ATN1: variants seen among roughly 807,000 people sequenced by gnomAD.
The protein encoded by ATN1 is atrophin-1.
A neutral mutation model predicts 85.8 loss-of-function variants in ATN1; 19 were observed. The ratio of observed to expected loss-of-function variants is 0.22; its 90% confidence interval spans 0.15 to 0.32. ATN1 has a LOEUF of 0.32. Ranked by LOEUF, ATN1 falls within the 10% of genes least tolerant of loss-of-function variation. ATN1 has a pLI of 1.00. For synonymous variants in ATN1, 674 were observed against 657.0 expected, an observed-to-expected ratio of 1.03 and a Z score of -0.39; for missense variants, 1,453 against 1,564.5, an observed-to-expected ratio of 0.93 and a Z score of 1.20.
In ATN1 at chr12:6,928,324, C is replaced by G. The variant is rs1246206787; in HGVS notation, c.-223C>G. On this transcript the variant is annotated 5_prime_UTR_variant, in exon 1 of 10. Transcript: ENST00000396684. Reference sequence around the variant, plus strand: ...CGGGGGAGCTGCCGCCGCCGCCCCCCAGAGGCGCCGGAGCCCGGAATCCCG... The same window carrying G: ...CGGGGGAGCTGCCGCCGCCGCCCCCGAGAGGCGCCGGAGCCCGGAATCCCG... 2 of 150,594 alleles carry G rather than the reference C, an allele frequency of 1.3e-5. No homozygotes were observed. Among genetic ancestry groups the G allele is most frequent in the African/African-American group, 4.9e-5 (2 of 41,008 alleles). The allele number at this position is 150,594 out of a possible 1,614,324, so 9.3% of individuals were successfully genotyped here.
chr12:6,934,337 A>G lies in ATN1; in HGVS notation c.165+24A>G, dbSNP rs782630532. 1.5e-5 allele frequency: 24 copies of G among 1,571,070 alleles called. No individual in the cohort carries two copies. In the East Asian group the frequency reaches 5.2e-4, roughly 34 times the overall value. On this transcript the variant is annotated intron_variant, in intron 3 of 9. Coordinates refer to ENST00000396684, the MANE Select transcript of ATN1 (RefSeq NM_001940.4). This position sits in a 1 kb window ranked among gnomAD's most constrained non-coding sequence, Gnocchi z 4.5. The stretch of plus-strand genomic sequence containing the variant: ...AGGTATTCTGTCCTCAGGTCCTCCC[A>G]CAGGATGCCCAAGGCACTGGGGCTG...
In ATN1 at chr12:6,937,475, C is replaced by T; in HGVS notation, c.2208C>T (p.Thr736=). The part of the protein sequence containing the change: ...IKQEPAEEYE[T]PESPVPPARS... ...AGGAGCCGGCTGAGGAGTATGAGAC[C>T]CCCGAGAGCCCGGTGCCCCCAGCCC... Residue 736 remains threonine, a synonymous_variant, in exon 5 of 10, where the codon ACC becomes ACT. Transcript: ENST00000396684. This position sits in a 1 kb window ranked among gnomAD's most constrained non-coding sequence, Gnocchi z 6.0. 5 of 1,545,784 alleles carry T rather than the reference C, an allele frequency of 3.2e-6. No homozygotes were observed. Among genetic ancestry groups the T allele is most frequent in the Non-Finnish European group, 4.4e-6 (5 of 1,147,000 alleles).
In ATN1 at chr12:6,937,390, T is replaced by A. The variant is rs1555143961; in HGVS notation, c.2123T>A (p.Leu708Gln). The change falls in exon 5 of 10, where the codon CTG becomes CAG. Residue 708 changes from leucine (L) to glutamine (Q), a missense_variant. Coordinates refer to ENST00000396684, the MANE Select transcript of ATN1 (RefSeq NM_001940.4). This position sits in a 1 kb window ranked among gnomAD's most constrained non-coding sequence, Gnocchi z 6.0. ...GCGGGGCCCTCAGGCCTGCCATCGC[T>A]GCCACCACCACCTGCGGCCCCTGCC... is the stretch of plus-strand genomic sequence containing the variant. ...PPAGPSGLPSLPPPPAAPASG... is the reference protein window; with the variant it reads ...PPAGPSGLPSQPPPPAAPASG... 1.3e-6 allele frequency: 2 copies of A among 1,549,010 alleles called. No individual in the cohort carries two copies. The highest frequency in any genetic ancestry group is 2.4e-5 in the South Asian group (2 of 84,820).
chr12:6,931,991 G>A (rs1340161149), intron 1 of ATN1, among the ~76,000 whole-genome samples: 3 of 123,294 alleles, frequency 2.4e-5, no homozygotes, highest in Non-Finnish European at 4.7e-5. Flanking sequence ...GTGAGATCAC[G>A]CCACTGCACT....
Position 6,928,072 on chromosome 12 carries a change from G to A in ATN1, c.-475G>A, listed in dbSNP as rs1308422794. ...GCCGGGCGGGCCGCGGGGCCGGGCG[G>A]CGCGGCGGGGGCGGGCGGCGCGGCC... On this transcript the variant is annotated 5_prime_UTR_variant, in exon 1 of 10. Coordinates refer to ENST00000396684, the MANE Select transcript of ATN1 (RefSeq NM_001940.4). Among the ~76,000 whole-genome samples, 1 of 144,652 alleles carries A rather than the reference G, an allele frequency of 6.9e-6. No homozygotes were observed. Among genetic ancestry groups the A allele is most frequent in the Admixed American group, 6.8e-5 (1 of 14,656 alleles). The allele number at this position is 144,652 out of a possible 152,430, so 94.9% of individuals were successfully genotyped here. A position where few individuals can be genotyped will look rare whatever the true frequency, so the allele number is the denominator to read the frequency against.
chr12:6,924,752 C>T (rs781957230), upstream of ATN1, among the ~76,000 whole-genome samples: 1 of 149,702 alleles, frequency 6.7e-6, no homozygotes, highest in Admixed American at 6.6e-5. Flanking sequence ...TCCTGGCGAC[C>T]CTTTATGCCT....
At chr12:6,925,849 T>C (rs1379479994), upstream of ATN1, among the ~76,000 whole-genome samples, 1 of 152,240 alleles carries the variant, frequency 6.6e-6, no homozygotes, top group Admixed American at 6.5e-5. Flanking sequence ...CCAGCAAGAC[T>C]GGCCCCACAA....
At position 6,938,466 on chromosome 12, in the gene ATN1, C is replaced by T. The variant is rs1555144210; in HGVS notation, c.2518-15C>T. 1.3e-6 allele frequency: 2 copies of T among 1,592,238 alleles called. No homozygotes were observed. Among genetic ancestry groups the T allele is most frequent in the Non-Finnish European group, 1.7e-6 (2 of 1,164,674 alleles). Reference sequence around the variant, plus strand: ...TAACTGCCGCTTTGACTCCACTTTTCCCTGTATCCCACAGAAGTTGGCTCA... The same window carrying T: ...TAACTGCCGCTTTGACTCCACTTTTTCCTGTATCCCACAGAAGTTGGCTCA... On this transcript the variant is annotated splice_polypyrimidine_tract_variant and intron_variant, in intron 6 of 9. Coordinates refer to ENST00000396684, the MANE Select transcript of ATN1 (RefSeq NM_001940.4).
At chr12:6,928,903 T>G (rs1945430468) in intron 1 of ATN1, among the ~76,000 whole-genome samples, 2 of 150,352 alleles carry the variant, frequency 1.3e-5, no homozygotes, top group East Asian at 2.0e-4. Context: ...GGGAAAGGGG[T>G]GTGGTAGGTG....
At chr12:6,924,607 T>C (rs1945378126), upstream of ATN1, 1 of 152,418 alleles carries the variant, frequency 6.6e-6, no homozygotes, top group Admixed American at 6.5e-5. Context: ...TCTGTATGGG[T>C]AGGGCCCATT....
intron 1 of ATN1, among the ~76,000 whole-genome samples, chr12:6,930,766 A>G (rs1230682518): frequency 6.6e-6 from 1 of 152,042 alleles, no homozygotes; most frequent in Non-Finnish European, 1.5e-5. Context: ...GCGGCACGGC[A>G]CTCCAGCCTG....
chr12:6,933,214 C>A (rs1201352083), intron 1 of ATN1, among the ~76,000 whole-genome samples: 2 of 150,944 alleles, frequency 1.3e-5, no homozygotes, highest in East Asian at 3.9e-4. Flanking sequence ...AATGTCATTT[C>A]TTTTTTCTTT....
In ATN1 at chr12:6,936,123, C is replaced by T. The variant is rs782682486; in HGVS notation, c.856C>T (p.Pro286Ser). The change falls in exon 5 of 10, where the codon CCT becomes TCT. Residue 286 changes from proline to serine, a missense_variant. Pro to Ser is a moderately conservative substitution (Grantham distance 74). Transcript: ENST00000396684. ...PTTPVGGGNL[P>S]SAPPPANFPH... ...CACTCCAGTGGGTGGTGGGAACCTA[C>T]CTTCTGCTCCACCACCAGCCAACTT... The T allele has an allele frequency of 2.9e-5, 44 of 1,530,940 alleles. No individual in the cohort carries two copies. The South Asian group carries it at 5.4e-4, about 19-fold the overall frequency. The allele number at this position is 1,530,940 out of a possible 1,614,324, so 94.8% of individuals were successfully genotyped here.
At chr12:6,933,812 G>T in intron 1 of ATN1, 28 bp from the exon 2 acceptor site, 1 of 655,524 alleles carries the variant, frequency 1.5e-6, no homozygotes, top group Non-Finnish European at 2.7e-6. Flanking sequence ...TCTCCAAGTT[G>T]GAGACTCTGA....
chr12:6,927,664 C>G (rs376254419), upstream of ATN1, among the ~76,000 whole-genome samples: 5 of 151,882 alleles, frequency 3.3e-5, no homozygotes, highest in African/African-American at 7.3e-5. Flanking sequence ...CTCTCTCCCC[C>G]CTCGCGGCTT....
upstream of ATN1, among the ~76,000 whole-genome samples, chr12:6,925,141 T>TGTGTGTGTGA (rs1445451270): frequency 0.019 from 2,875 of 147,488 alleles, 25 homozygotes; most frequent in Middle Eastern, 0.034. Context: ...TGTGTGTGTG[T>TGTGTGTGTGA]GAGAGAGAGA....
Position 6,936,671 on chromosome 12 carries a change from C to A in ATN1, c.1404C>A (p.Ala468=). The change falls in exon 5 of 10, where the codon GCC becomes GCA. Residue 468 remains alanine, a synonymous_variant. Coordinates refer to ENST00000396684, the MANE Select transcript of ATN1 (RefSeq NM_001940.4). ...GCCCCTTCCCTCCCTCTACTGGGGC[C>A]CAGTCCACCGCCCACCCACCAGTCT... is the stretch of plus-strand genomic sequence containing the variant. ...HPGPFPPSTG[A]QSTAHPPVST... 1 of 1,613,734 alleles carries A rather than the reference C, an allele frequency of 6.2e-7. No homozygotes were observed. Among genetic ancestry groups the A allele is most frequent in the South Asian group, 1.1e-5 (1 of 91,068 alleles).
Position 6,934,656 on chromosome 12 carries a change from GCTGGATCTCTC to G in ATN1, c.279+83_279+93del. On this transcript the variant is annotated intron_variant, in intron 4 of 9. Coordinates refer to ENST00000396684, the MANE Select transcript of ATN1 (RefSeq NM_001940.4). This position sits in a 1 kb window ranked among gnomAD's most constrained non-coding sequence, Gnocchi z 4.5. ...GACTTGCTTATGCTCACTATTCTTA[GCTGGATCTCTC>G]CTGGGACATAAGAGAAAGGCCAGAT... is the stretch of plus-strand genomic sequence containing the variant. 9.4e-7 allele frequency: 1 copy of G among 1,069,212 alleles called. No homozygotes were observed. Among genetic ancestry groups the G allele is most frequent in the Admixed American group, 2.0e-5 (1 of 49,820 alleles). 66.2% of individuals were successfully genotyped at this position (1,069,212 alleles called of 1,614,324 possible).
In ATN1 at chr12:6,934,028, G is replaced by C; in HGVS notation, c.27G>C (p.Ser9=). 5 of 1,609,306 alleles carry C rather than the reference G, an allele frequency of 3.1e-6. No homozygotes were observed. The highest frequency in any genetic ancestry group is 4.2e-6 in the Non-Finnish European group (5 of 1,177,798). The part of the protein sequence containing the change: MKTRQNKD[S]MSMRSGRKKE... ...TGAAGACACGACAGAATAAAGACTC[G>C]GTGAGTTAAAATGAGAGACATGAAA... Residue 9 remains serine (S), a splice_region_variant and synonymous_variant, in exon 2 of 10, where the codon TCG becomes TCC. Coordinates refer to ENST00000396684, the MANE Select transcript of ATN1 (RefSeq NM_001940.4). The surrounding 1 kb of genome is among the most constrained non-coding windows in gnomAD (Gnocchi z 4.5).
Sources: gnomAD v4.1 joint callset for allele counts (sites outside exome capture counted in the v4.1 genomes callset) on GRCh38, gnomAD v4.1.1 for gene constraint, Gnocchi (gnomAD v3.1) non-coding constraint, MANE v1.5 for transcripts, NCBI Gene and HGNC (gene_info 2026-07-23, HGNC 2026-07-21) for gene names.